The following BCL11A variants were observed in gnomAD, a reference collection of about 807,000 sequenced individuals.
BCL11A encodes BCL11 transcription factor A, also known as B cell CLL/lymphoma 11A.
Under a neutral mutation model 55.9 loss-of-function variants are expected in BCL11A, and 2 were observed. That is an observed-to-expected ratio of 0.04 (90% CI 0.01 to 0.11). The LOEUF (loss-of-function observed/expected upper bound fraction) is 0.11, where lower values mean the gene tolerates loss of function less well. BCL11A is among the 10% of genes least tolerant of loss of function. The probability of loss-of-function intolerance (pLI) is 1.00; values close to 1 mark genes in which losing one functional copy is unlikely to be tolerated. For synonymous variants in BCL11A, 465 were observed against 473.4 expected (o/e 0.98, Z 0.23); for missense variants, 817 against 1,137.1 (o/e 0.72, Z 4.05).
intron 2 of BCL11A, chr2:60,537,263 T>C (rs1321167941): frequency 6.6e-6 from 1 of 152,232 alleles, no homozygotes; most frequent in Non-Finnish European, 1.5e-5. Context: ...GTAGCCAATG[T>C]TCAGTTTTAA....
At chr2:60,523,589 T>C (rs1005093387) in intron 2 of BCL11A, among the ~76,000 whole-genome samples, 1 of 152,128 alleles carries the variant, frequency 6.6e-6, no homozygotes, top group Non-Finnish European at 1.5e-5. Flanking sequence ...TATGTATGTG[T>C]GTATATAGAT....
At chr2:60,464,352 C>A (rs1284987477) in intron 3 of BCL11A, among the ~76,000 whole-genome samples, 1 of 152,158 alleles carries the variant, frequency 6.6e-6, no homozygotes, top group Admixed American at 6.5e-5. Flanking sequence ...TCATTGAGAA[C>A]ATTTTTATAA....
In BCL11A at chr2:60,458,188, A is replaced by G. The variant is rs1207747610; in HGVS notation, c.*2216T>C. ...TCTAGAAATACAGAAAAAAGACCAT[A>G]AATGTATTTTAGCATAGGAATCAAC... is the stretch of plus-strand genomic sequence containing the variant. On this transcript the variant is annotated 3_prime_UTR_variant, in exon 4 of 4. Coordinates refer to ENST00000642384, the MANE Select transcript of BCL11A (RefSeq NM_022893.4). 1 of 1,025,158 alleles carries G rather than the reference A, an allele frequency of 9.8e-7. No homozygotes were observed. The highest frequency in any genetic ancestry group is 1.7e-5 in the African/African-American group (1 of 58,926). 63.5% of individuals were successfully genotyped at this position (1,025,158 alleles called of 1,614,324 possible). A position where few individuals can be genotyped will look rare whatever the true frequency, so the allele number is the denominator to read the frequency against.
chr2:60,451,524 TTGTC>T lies in BCL11A; in HGVS notation c.*1047_*1050del, dbSNP rs1675721405. 1.3e-5 allele frequency: 3 copies of T among 231,640 alleles called. No homozygotes were observed. In the East Asian group the frequency reaches 1.8e-4, roughly 14 times the overall value. 14.3% of individuals were successfully genotyped at this position (231,640 alleles called of 1,614,324 possible). On this transcript the variant is annotated 3_prime_UTR_variant, in exon 5 of 5. Coordinates refer to the BCL11A transcript ENST00000356842. ...TCTAAGGAATAGAGCATTGCTGTGA[TTGTC>T]TGTTCTGATGTGAACTTCTTTCCTC... is the stretch of plus-strand genomic sequence containing the variant.
intron 1 of BCL11A, chr2:60,550,905 T>C (rs1274155533): frequency 1.8e-5 from 7 of 396,556 alleles, no homozygotes; most frequent in Non-Finnish European, 3.1e-5. Flanking sequence ...GCGCGCCGCG[T>C]CTGATCCGCA....
chr2:60,451,066 TCTCCAC>T (rs1323921561), downstream of BCL11A: 1 of 178,544 alleles, frequency 5.6e-6, no homozygotes, highest in Non-Finnish European at 1.2e-5. Context: ...TAAGCCTCAA[TCTCCAC>T]CTCCATAAAG....
At chr2:60,465,523 G>A (rs1676552165) in intron 3 of BCL11A, among the ~76,000 whole-genome samples, 1 of 152,052 alleles carries the variant, frequency 6.6e-6, no homozygotes, top group Non-Finnish European at 1.5e-5. Flanking sequence ...TTACTTTATG[G>A]GAAGGAATGA....
chr2:60,490,558 T>A (rs894986405), intron 2 of BCL11A, among the ~76,000 whole-genome samples: 3 of 152,192 alleles, frequency 2.0e-5, no homozygotes, highest in African/African-American at 7.2e-5. Context: ...GTCTACCTAG[T>A]CACCTTAGCA....
intron 2 of BCL11A, among the ~76,000 whole-genome samples, chr2:60,469,853 G>A (rs1469311634): frequency 6.6e-6 from 1 of 152,174 alleles, no homozygotes; most frequent in Non-Finnish European, 1.5e-5. Context: ...TGCAGGAGAC[G>A]CTCTGTGTGT....
At chr2:60,532,606 CATAAGG>C (rs1280392314) in intron 2 of BCL11A, among the ~76,000 whole-genome samples, 1 of 152,074 alleles carries the variant, frequency 6.6e-6, no homozygotes, top group Non-Finnish European at 1.5e-5. Flanking sequence ...AATTCCTTGG[CATAAGG>C]ATATGTTTGC....
At chr2:60,471,576 G>C (rs1226599591) in intron 2 of BCL11A, among the ~76,000 whole-genome samples, 3 of 152,198 alleles carry the variant, frequency 2.0e-5, no homozygotes, top group Non-Finnish European at 4.4e-5. Flanking sequence ...TAATGCTTCT[G>C]AGCGTCAAAC....
chr2:60,491,739 T>A (rs993650114), intron 2 of BCL11A, among the ~76,000 whole-genome samples: 1 of 150,830 alleles, frequency 6.6e-6, no homozygotes, highest in Non-Finnish European at 1.5e-5. Context: ...CAGGCTGGGC[T>A]GACTGCCCAC....
chr2:60,541,742 AGTG>A (rs1669935048), intron 2 of BCL11A: 2 of 522,686 alleles, frequency 3.8e-6, no homozygotes, highest in Non-Finnish European at 6.8e-6. Context: ...TTTTTGTGGT[AGTG>A]GTGTTTTTTT....
At chr2:60,527,284 A>C (rs1460459821) in intron 2 of BCL11A, 1 of 152,212 alleles carries the variant, frequency 6.6e-6, no homozygotes, top group Non-Finnish European at 1.5e-5. Context: ...AAGGGTTCTA[A>C]AGCCATGATA....
Position 60,457,693 on chromosome 2 carries a change from T to C in BCL11A, c.*2711A>G. ...TGGTTTTTTTTTTTTTTTCCTTTTT[T>C]TTTCTTTCTTTCTTTTACTGCATAT... is the stretch of plus-strand genomic sequence containing the variant. On this transcript the variant is annotated 3_prime_UTR_variant, in exon 4 of 4. Transcript: ENST00000642384. 9.7e-7 allele frequency: 1 copy of C among 1,034,564 alleles called. No individual in the cohort carries two copies. The highest frequency in any genetic ancestry group is 1.2e-6 in the Non-Finnish European group (1 of 859,700). 64.1% of individuals were successfully genotyped at this position (1,034,564 alleles called of 1,614,324 possible).
At chr2:60,467,225 G>A (rs1278987707) in intron 3 of BCL11A, among the ~76,000 whole-genome samples, 8 of 125,194 alleles carry the variant, frequency 6.4e-5, no homozygotes, top group East Asian at 5.1e-4. Context: ...ACTGGTGATG[G>A]TGGTGGTGGT....
chr2:60,461,365 C>A lies in BCL11A; in HGVS notation c.1547G>T (p.Gly516Val), dbSNP rs1676269843. Reference protein sequence around the residue: ...TESERVDYGFGLSLEAARHHE... With the variant: ...TESERVDYGFVLSLEAARHHE... Reference sequence around the variant, plus strand: ...GTGGCGCGCCGCCTCCAGGCTCAGCCCGAAGCCGTAGTCCACCCTCTCGCT... The same window carrying A: ...GTGGCGCGCCGCCTCCAGGCTCAGCACGAAGCCGTAGTCCACCCTCTCGCT... Residue 516 changes from glycine (G) to valine (V), a missense_variant, in exon 4 of 4, where the codon GGG becomes GTG. This residue lies in a region of BCL11A where 379 missense variants were observed against 425.3 expected (regional missense o/e 0.89). Transcript: ENST00000642384. The A allele has an allele frequency of 6.2e-7, 1 of 1,605,898 alleles. No individual in the cohort carries two copies.
intron 2 of BCL11A, among the ~76,000 whole-genome samples, chr2:60,513,863 C>G (rs1396337877): frequency 6.6e-6 from 1 of 152,228 alleles, no homozygotes; most frequent in Non-Finnish European, 1.5e-5. Context: ...GCCAGAGATT[C>G]TCTGCCTTCC....
At chr2:60,496,185 A>G (rs1678938812) in intron 2 of BCL11A, among the ~76,000 whole-genome samples, 1 of 152,226 alleles carries the variant, frequency 6.6e-6, no homozygotes, top group Non-Finnish European at 1.5e-5. Flanking sequence ...GAACCGGGAA[A>G]GTTCTGGAAG....
Sources: allele counts gnomAD v4.1 joint callset (sites outside exome capture counted in the v4.1 genomes callset), GRCh38; gene constraint gnomAD v4.1.1; regional missense constraint gnomAD v4.1.1; transcripts MANE v1.5; gene names NCBI Gene and HGNC (gene_info 2026-07-23, HGNC 2026-07-21).